Variants in SLC26A4 observed in about 807,000 individuals in gnomAD.
SLC26A4 encodes pendrin.
SLC26A4 carries 93 observed loss-of-function variants against 90.4 expected under a neutral mutation model. That is an observed-to-expected ratio of 1.03 (90% CI 0.87 to 1.22). SLC26A4 has a LOEUF of 1.22. Among genes scored for constraint, SLC26A4 ranks in the 50% most tolerant of loss-of-function variants. The pLI is 0.00. For missense variants in SLC26A4, 1,127 were observed against 946.2 expected, an observed-to-expected ratio of 1.19 and a Z score of -2.51; for synonymous variants, 393 against 354.6, an observed-to-expected ratio of 1.11 and a Z score of -1.22.
intron 20 of SLC26A4, among the ~76,000 whole-genome samples, chr7:107,713,347 G>A (rs1020485496): frequency 2.0e-5 from 3 of 152,214 alleles, no homozygotes; most frequent in African/African-American, 7.2e-5. Flanking sequence ...TCTCAAGGGA[G>A]TTTGTTACAT....
At position 107,713,600 on chromosome 7, in the gene SLC26A4, A is replaced by C. The variant is rs1792254948; in HGVS notation, c.2319+978A>C. 2.0e-5 allele frequency among the ~76,000 whole-genome samples: 3 copies of C among 152,216 alleles called. No individual in the cohort carries two copies. In the South Asian group the frequency reaches 6.2e-4, roughly 31 times the overall value. On this transcript the variant is annotated intron_variant, in intron 20 of 20. Transcript: ENST00000644269. ...GCTTCTCTGGTCACGATGGGGACAC[A>C]AAACCCTAAATGCGGCCAGGCCAGC...
intron 18 of SLC26A4, among the ~76,000 whole-genome samples, chr7:107,709,400 G>C (rs1303143119): frequency 6.6e-6 from 1 of 152,166 alleles, no homozygotes; most frequent in Non-Finnish European, 1.5e-5. Flanking sequence ...AGCCTCCTGA[G>C]TAGCTGAGAC....
At chr7:107,686,411 T>TTC (rs1205535105) in intron 8 of SLC26A4, among the ~76,000 whole-genome samples, 1 of 50,694 alleles carries the variant, frequency 2.0e-5, no homozygotes, top group Admixed American at 1.8e-4. Context: ...TCTTTTTTCT[T>TTC]TCTTTCTTTC....
intron 3 of SLC26A4, among the ~76,000 whole-genome samples, chr7:107,666,281 G>C (rs1790710820): frequency 6.6e-6 from 1 of 152,170 alleles, no homozygotes; most frequent in Non-Finnish European, 1.5e-5. Flanking sequence ...GAGTGCAGTG[G>C]TGAGATCACA....
chr7:107,683,602 TA>T, intron 8 of SLC26A4, 65 bp downstream of exon 8: 1 of 1,267,236 alleles, frequency 7.9e-7, no homozygotes, highest in Non-Finnish European at 1.1e-6. Flanking sequence ...TTTATTTAAA[TA>T]AAACCTTTTA....
intron 4 of SLC26A4, among the ~76,000 whole-genome samples, chr7:107,672,581 C>T (rs192835195): frequency 6.6e-6 from 1 of 152,052 alleles, no homozygotes; most frequent in East Asian, 1.9e-4. Flanking sequence ...ATCAATTTGA[C>T]TCCATTTTTG....
chr7:107,675,172 T>C, intron 6 of SLC26A4, 63 bp downstream of exon 6: 2 of 1,536,610 alleles, frequency 1.3e-6, no homozygotes, highest in Non-Finnish European at 1.8e-6. Context: ...TTGTATTCAT[T>C]CTCTGAGTCT....
At chr7:107,702,152 C>A in intron 17 of SLC26A4, 95 bp downstream of exon 17, 1 of 811,336 alleles carries the variant, frequency 1.2e-6, no homozygotes, top group Non-Finnish European at 2.1e-6. Context: ...AATACATGGG[C>A]TTTGTAATTT....
chr7:107,680,142 A>G (rs781281609), intron 6 of SLC26A4, among the ~76,000 whole-genome samples: 48 of 119,630 alleles, frequency 4.0e-4, no homozygotes, highest in Non-Finnish European at 5.0e-4. Context: ...ATATAATATA[A>G]TCTTATCTTA....
At chr7:107,692,134 C>T (rs2129316417) in intron 10 of SLC26A4, 2 of 1,251,314 alleles carry the variant, frequency 1.6e-6, no homozygotes, top group South Asian at 1.3e-5. Flanking sequence ...GATAATGGTG[C>T]TCTGGTAAGC....
At chr7:107,675,285 T>TAAAAAA (rs60022317) in intron 6 of SLC26A4, among the ~76,000 whole-genome samples, 176 bp downstream of exon 6, 1 of 96,786 alleles carries the variant, frequency 1.0e-5, no homozygotes, top group African/African-American at 4.0e-5. Flanking sequence ...CCTCATCTCT[T>TAAAAAA]AAAAAAAAAA....
At chr7:107,674,632 G>C (rs933048958) in intron 5 of SLC26A4, among the ~76,000 whole-genome samples, 11 of 152,146 alleles carry the variant, frequency 7.2e-5, no homozygotes, top group African/African-American at 1.2e-4. Context: ...AATCCATAAA[G>C]GAGAAAAAGT....
intron 9 of SLC26A4, among the ~76,000 whole-genome samples, chr7:107,689,536 T>C (rs116411173): frequency 2.0e-5 from 3 of 152,194 alleles, no homozygotes; most frequent in African/African-American, 7.2e-5. Flanking sequence ...ACGGCAGTTA[T>C]AATGTGACAA....
Position 107,683,550 on chromosome 7 carries a change from T to C in SLC26A4, c.1001+13T>C. On this transcript the variant is annotated intron_variant, in intron 8 of 20. Coordinates refer to ENST00000644269, the MANE Select transcript of SLC26A4 (RefSeq NM_000441.2). ...CCATCCCAAGGGGGTGAGTGTGGTG[T>C]TCCTCTTAGTACTAATACATTAAGT... is the stretch of plus-strand genomic sequence containing the variant. 1 of 1,601,670 alleles carries C rather than the reference T, an allele frequency of 6.2e-7. No homozygotes were observed. The highest frequency in any genetic ancestry group is 8.6e-7 in the Non-Finnish European group (1 of 1,168,972).
chr7:107,694,044 G>A (rs1584329321), intron 10 of SLC26A4, among the ~76,000 whole-genome samples: 2 of 152,128 alleles, frequency 1.3e-5, no homozygotes, highest in Non-Finnish European at 2.9e-5. Flanking sequence ...TGGGAAAGGG[G>A]GGATTGGTCC....
intron 3 of SLC26A4, among the ~76,000 whole-genome samples, chr7:107,665,763 G>A (rs940929990): frequency 6.6e-6 from 1 of 152,132 alleles, no homozygotes. Context: ...TGCTAGGTAG[G>A]TCTATTATTA....
rs146730513 is a variant in SLC26A4 at position 107,663,388 on chromosome 7, G to A, written c.257G>A (p.Ser86Asn). 2.1e-5 allele frequency: 34 copies of A among 1,614,048 alleles called. No homozygotes were observed. The African/African-American group carries it at 3.7e-4, about 18-fold the overall frequency. ...TACCGAGTCAAGGAATGGCTGCTTA[G>A]TGACGTCATTTCGGGAGTTAGTACT... is the stretch of plus-strand genomic sequence containing the variant. The part of the protein sequence containing the change: ...PKYRVKEWLL[S>N]DVISGVSTGL... Residue 86 changes from serine (S) to asparagine (N), a missense_variant, in exon 3 of 21, where the codon AGT becomes AAT. Coordinates refer to ENST00000644269, the MANE Select transcript of SLC26A4 (RefSeq NM_000441.2).
chr7:107,673,117 A>C (rs1265053764), intron 4 of SLC26A4, among the ~76,000 whole-genome samples: 1 of 152,186 alleles, frequency 6.6e-6, no homozygotes, highest in East Asian at 1.9e-4. Flanking sequence ...TAGATGAGGA[A>C]CATGGAAGCT....
At position 107,702,018 on chromosome 7, in the gene SLC26A4, A is replaced by C. The variant is rs185493402; in HGVS notation, c.1995A>C (p.Ile665=). ...GCCTTGTGCTTGACTGTGGAGCTAT[A>C]TCTTTCCTGGACGTTGTTGGAGTGA... ...IHSLVLDCGA[I]SFLDVVGVRS... Residue 665 remains isoleucine, a synonymous_variant, in exon 17 of 21, where the codon ATA becomes ATC. Coordinates refer to ENST00000644269, the MANE Select transcript of SLC26A4 (RefSeq NM_000441.2). The C allele has an allele frequency of 4.0e-5, 64 of 1,613,968 alleles. No homozygotes were observed. The African/African-American group carries it at 6.7e-4, about 17-fold the overall frequency.
Sources: gnomAD v4.1 joint callset for allele counts (sites outside exome capture counted in the v4.1 genomes callset) on GRCh38, gnomAD v4.1.1 for gene constraint, MANE v1.5 for transcripts, NCBI Gene and HGNC (gene_info 2026-07-23, HGNC 2026-07-21) for gene names.